Variants in PIK3CB observed in about 807,000 individuals in gnomAD.
PIK3CB encodes phosphatidylinositol 4,5-bisphosphate 3-kinase catalytic subunit beta isoform.
PIK3CB carries 39 observed loss-of-function variants against 136.8 expected under a neutral mutation model. The observed-to-expected ratio is 0.29, with a 90% CI of 0.22 to 0.37. PIK3CB has a LOEUF of 0.37. Among genes scored for constraint, PIK3CB ranks in the 10% least tolerant of loss-of-function variants. The pLI, the probability that PIK3CB is intolerant of heterozygous loss-of-function variation, is 1.00. For synonymous variants in PIK3CB, 428 were observed against 436.6 expected, an observed-to-expected ratio of 0.98 and a Z score of 0.25; for missense variants, 868 against 1,275.4, an observed-to-expected ratio of 0.68 and a Z score of 4.87.
In PIK3CB at chr3:138,656,152, T is replaced by C. The variant is rs2043187725; in HGVS notation, c.3065A>G (p.Gln1022Arg). ...LPELTSVKDIQYLKDSLALGK... is the reference protein window; with the variant it reads ...LPELTSVKDIRYLKDSLALGK... ...AAAGTGGTTTTATACCTTAAGATAC[T>C]GTATATCTTTGACTGATGTGAGTTC... Residue 1022 changes from glutamine (Q) to arginine (R), a missense_variant, in exon 23 of 24, where the codon CAG becomes CGG. Around this residue, in one of 4 missense-constraint regions of PIK3CB, gnomAD observed 88 missense variants for 147.8 expected, o/e 0.60. Coordinates refer to ENST00000674063, the MANE Select transcript of PIK3CB (RefSeq NM_006219.3). 1.9e-6 allele frequency: 3 copies of C among 1,614,038 alleles called. No individual in the cohort carries two copies. Among genetic ancestry groups the C allele is most frequent in the East Asian group, 4.5e-5 (2 of 44,888 alleles).
At chr3:138,667,455 G>A (rs2043437414) in intron 19 of PIK3CB, among the ~76,000 whole-genome samples, 1 of 152,036 alleles carries the variant, frequency 6.6e-6, no homozygotes, top group Non-Finnish European at 1.5e-5. Context: ...GAGTATATGA[G>A]TGTGTTAGCA....
At chr3:138,773,833 C>T (rs2045827530) in intron 2 of PIK3CB, among the ~76,000 whole-genome samples, 1 of 152,184 alleles carries the variant, frequency 6.6e-6, no homozygotes, top group Non-Finnish European at 1.5e-5. Flanking sequence ...TCTCCTCACC[C>T]TCTCCACCCC....
chr3:138,784,415 CCTCCCCCTCTCCCTCTCGTCTCCGT>C (rs1269244518), intron 2 of PIK3CB, among the ~76,000 whole-genome samples: 1 of 151,960 alleles, frequency 6.6e-6, no homozygotes, highest in Non-Finnish European at 1.5e-5. Flanking sequence ...TCTCCCTCCC[CCTCCCCCTCTCCCTCTCGTCTCCGT>C]CTCCGTCTCC....
At chr3:138,788,901 T>C (rs1273402451) in intron 2 of PIK3CB, among the ~76,000 whole-genome samples, 1 of 138,362 alleles carries the variant, frequency 7.2e-6, no homozygotes, top group East Asian at 2.2e-4. Flanking sequence ...GAGGCGGAGG[T>C]TGCAGTGAGC....
rs1299105262 is a variant in PIK3CB, at chr3:138,828,951, C to A, written c.-122+5744G>T. ...TACAGGCGCATGCCACCACACCAGG[C>A]TAATTTTTTTTTTTTTTTTTTTGTA... On this transcript the variant is annotated intron_variant, in intron 1 of 23. Transcript: ENST00000674063. 8.9e-5 allele frequency among the ~76,000 whole-genome samples: 11 copies of A among 123,400 alleles called. 1 individual carries two copies. In the South Asian group the frequency reaches 2.4e-3, roughly 27 times the overall value. The allele number at this position is 123,400 out of a possible 152,430, so 81.0% of individuals were successfully genotyped here.
At chr3:138,767,096 C>T (rs1328009702) in intron 2 of PIK3CB, among the ~76,000 whole-genome samples, 1 of 151,890 alleles carries the variant, frequency 6.6e-6, no homozygotes, top group Non-Finnish European at 1.5e-5. Flanking sequence ...ATCGATTGAA[C>T]CTGGGAGGCA....
At chr3:138,782,706 C>T (rs1230248542) in intron 2 of PIK3CB, among the ~76,000 whole-genome samples, 1 of 152,204 alleles carries the variant, frequency 6.6e-6, no homozygotes, top group African/African-American at 2.4e-5. Flanking sequence ...GTGACACTTA[C>T]ACCTTCTCTT....
chr3:138,667,277 G>C (rs936714101), intron 19 of PIK3CB, among the ~76,000 whole-genome samples: 4 of 151,696 alleles, frequency 2.6e-5, no homozygotes, highest in African/African-American at 7.3e-5. Flanking sequence ...AGAGCACAAG[G>C]GGGAGCACAA....
intron 19 of PIK3CB, among the ~76,000 whole-genome samples, chr3:138,666,998 A>G (rs2043424283): frequency 6.6e-6 from 1 of 152,002 alleles, no homozygotes; most frequent in Non-Finnish European, 1.5e-5. Context: ...TCAGGAGATC[A>G]CGACCAGGTC....
chr3:138,834,507 C>T lies in PIK3CB; in HGVS notation c.-122+188G>A, dbSNP rs959410552. On this transcript the variant is annotated intron_variant, in intron 1 of 23. Transcript: ENST00000674063. ...GGCGGGCCGCAACCAAGCCAGACGC[C>T]CCCACCGGCCGGTAGGCGGTTATCC... Among the ~76,000 whole-genome samples, 6 of 152,306 alleles carry T rather than the reference C, an allele frequency of 3.9e-5. No individual in the cohort carries two copies. In the South Asian group the frequency reaches 1.0e-3, roughly 26 times the overall value.
At chr3:138,805,437 G>A (rs2046222872) in intron 1 of PIK3CB, among the ~76,000 whole-genome samples, 1 of 151,844 alleles carries the variant, frequency 6.6e-6, no homozygotes, top group Non-Finnish European at 1.5e-5. Flanking sequence ...TTGGGAGGCC[G>A]AGGTCGGCAG....
At chr3:138,671,315 T>C (rs891193314) in intron 19 of PIK3CB, among the ~76,000 whole-genome samples, 12 of 152,216 alleles carry the variant, frequency 7.9e-5, no homozygotes, top group Admixed American at 6.5e-5. Context: ...TATACACATA[T>C]GTTTCATAAT....
Position 138,709,329 on chromosome 3 carries a change from A to G in PIK3CB, c.1400-2040T>C, listed in dbSNP as rs76267856. On this transcript the variant is annotated intron_variant, in intron 10 of 23. Coordinates refer to ENST00000674063, the MANE Select transcript of PIK3CB (RefSeq NM_006219.3). ...AATCTAACAGTCCAGGCATGGGGGG[A>G]AAAACAGTTCTCTACATAGATACGT... is the stretch of plus-strand genomic sequence containing the variant. Among the ~76,000 whole-genome samples the G allele has an allele frequency of 2.3e-4, 8 of 34,562 alleles. No homozygotes were observed. In the South Asian group the frequency reaches 0.011, roughly 49 times the overall value. The allele number at this position is 34,562 out of a possible 152,430, so 22.7% of individuals were successfully genotyped here.
At chr3:138,688,609 T>C (rs984087162) in intron 16 of PIK3CB, among the ~76,000 whole-genome samples, 1 of 152,124 alleles carries the variant, frequency 6.6e-6, no homozygotes, top group Non-Finnish European at 1.5e-5. Flanking sequence ...GAGTAATTAT[T>C]TTTCAGGTAG....
chr3:138,697,849 C>A (rs932385893), intron 13 of PIK3CB, among the ~76,000 whole-genome samples: 1 of 152,106 alleles, frequency 6.6e-6, no homozygotes, highest in African/African-American at 2.4e-5. Context: ...TCTCCCATTT[C>A]AGCCACTCAA....
chr3:138,749,142 T>G (rs538037125), intron 4 of PIK3CB, among the ~76,000 whole-genome samples: 1 of 152,342 alleles, frequency 6.6e-6, no homozygotes, highest in Admixed American at 6.5e-5. Flanking sequence ...AGCATTTTAG[T>G]GCACTGTTAA....
intron 8 of PIK3CB, among the ~76,000 whole-genome samples, chr3:138,731,908 G>A (rs577120901): frequency 5.3e-5 from 8 of 151,968 alleles, no homozygotes; most frequent in Admixed American, 2.0e-4. Context: ...GCTTGAACCC[G>A]GGAGGCAGAG....
Position 138,707,168 on chromosome 3 carries a change from G to A in PIK3CB, c.1521C>T (p.Pro507=), listed in dbSNP as rs1432344845. 1 of 1,571,856 alleles carries A rather than the reference G, an allele frequency of 6.4e-7. No homozygotes were observed. The highest frequency in any genetic ancestry group is 1.7e-5 in the Admixed American group (1 of 59,358). ...TAAATAATTAGCTTACCTTATCGAA[G>A]GGAGGGTAATAATAAGGTTGTTTTT... ...ENKKQPYYYP[P]FDKIIEKAAE... Residue 507 remains proline, a synonymous_variant, in exon 11 of 24, where the codon CCC becomes CCT. Transcript: ENST00000674063.
chr3:138,817,756 G>A (rs1933398188), intron 1 of PIK3CB, among the ~76,000 whole-genome samples: 2 of 152,128 alleles, frequency 1.3e-5, no homozygotes, highest in African/African-American at 4.8e-5. Context: ...TGTATAGGAA[G>A]TAAAAGGTAT....
Sources: allele counts gnomAD v4.1 joint callset (sites outside exome capture counted in the v4.1 genomes callset), GRCh38; gene constraint gnomAD v4.1.1; regional missense constraint gnomAD v4.1.1; transcripts MANE v1.5; gene names NCBI Gene and HGNC (gene_info 2026-07-23, HGNC 2026-07-21).